The following YME1L1 variants were observed in gnomAD, a reference collection of about 807,000 sequenced individuals.
YME1L1 encodes the protein YME1 like 1 ATPase, also known as ATP-dependent zinc metalloprotease YME1L1.
Under a neutral mutation model 90.4 loss-of-function variants are expected in YME1L1, and 39 were observed. That is an observed-to-expected ratio of 0.43 (90% confidence interval 0.33 to 0.56). The LOEUF is 0.56. YME1L1 is among the 20% of genes least tolerant of loss of function. The pLI is 0.03. For synonymous variants in YME1L1, 284 were observed against 287.3 expected, an observed-to-expected ratio of 0.99 and a Z score of 0.12; for missense variants, 617 against 868.4, an observed-to-expected ratio of 0.71 and a Z score of 3.64.
Position 27,118,397 on chromosome 10 carries a change from T to G in YME1L1, c.1568-670A>C, listed in dbSNP as rs1411167202. Among the ~76,000 whole-genome samples, 5 of 152,144 alleles carry G rather than the reference T, an allele frequency of 3.3e-5. No homozygotes were observed. In the East Asian group the frequency reaches 9.6e-4, roughly 29 times the overall value. ...CTTGGACTTAAGTAATCCTCCCACCTAGGACTCCCAAGTAGATGGGACCAC... is the reference window on the plus strand; with the variant it reads ...CTTGGACTTAAGTAATCCTCCCACCGAGGACTCCCAAGTAGATGGGACCAC... On this transcript the variant is annotated intron_variant, in intron 14 of 18. Transcript: ENST00000376016.
At chr10:27,115,904 T>C (rs1485652817) in intron 17 of YME1L1, among the ~76,000 whole-genome samples, 156 bp downstream of exon 17, 1 of 152,322 alleles carries the variant, frequency 6.6e-6, no homozygotes, top group African/African-American at 2.4e-5. Flanking sequence ...GTCCATTTTC[T>C]TTATTCAGAG....
chr10:27,133,910 GA>G, intron 7 of YME1L1, 128 bp downstream of exon 7: 1 of 554,500 alleles, frequency 1.8e-6, no homozygotes, highest in Non-Finnish European at 3.0e-6. Flanking sequence ...CCACTACTAG[GA>G]ATGAAAGCCT....
chr10:27,119,813 A>G (rs1257468260), intron 13 of YME1L1, among the ~76,000 whole-genome samples: 1 of 138,768 alleles, frequency 7.2e-6, no homozygotes, highest in Non-Finnish European at 1.5e-5. Flanking sequence ...CTTGTCTCAA[A>G]AAAAAACCAA....
At position 27,128,742 on chromosome 10, in the gene YME1L1, A is replaced by G. The variant is rs2056945714; in HGVS notation, c.859-1956T>C. On this transcript the variant is annotated intron_variant, in intron 8 of 18. Coordinates refer to ENST00000376016, the MANE Select transcript of YME1L1 (RefSeq NM_014263.4). Reference sequence around the variant, plus strand: ...CAACGCAGCTAAATCCCGACTCTACAAAAAAAAACTACAAAAATTAGCCAG... The same window carrying G: ...CAACGCAGCTAAATCCCGACTCTACGAAAAAAAACTACAAAAATTAGCCAG... 2.0e-5 allele frequency among the ~76,000 whole-genome samples: 3 copies of G among 148,134 alleles called. No individual in the cohort carries two copies. The South Asian group carries it at 6.6e-4, about 33-fold the overall frequency.
At chr10:27,132,191 C>G (rs2056983958) in intron 7 of YME1L1, among the ~76,000 whole-genome samples, 1 of 152,122 alleles carries the variant, frequency 6.6e-6, no homozygotes, top group Non-Finnish European at 1.5e-5. Context: ...ACCTCAACCT[C>G]CCAGGTTCAA....
Position 27,142,389 on chromosome 10 carries a change from G to T in YME1L1, c.428C>A (p.Pro143Gln). 6.8e-7 allele frequency: 1 copy of T among 1,461,480 alleles called. No individual in the cohort carries two copies. Among genetic ancestry groups the T allele is most frequent in the South Asian group, 1.5e-5 (1 of 67,040 alleles). The allele number at this position is 1,461,480 out of a possible 1,614,324, so 90.5% of individuals were successfully genotyped here. ...QSICSDLQYW[P>Q]VFIQSRGFKT... ...AATTTATGGTTGTTGCTTCATACCT[G>T]GCCAGTACTGAAGATCTGAACAAAT... Residue 143 changes from proline to glutamine, a missense_variant and splice_region_variant, in exon 4 of 19, where the codon CCA becomes CAA. By Grantham distance (76) the Pro-to-Gln change is moderately conservative (BLOSUM62 -1). Coordinates refer to ENST00000376016, the MANE Select transcript of YME1L1 (RefSeq NM_014263.4).
chr10:27,151,436 G>A (rs577617471), intron 1 of YME1L1, among the ~76,000 whole-genome samples: 1 of 152,316 alleles, frequency 6.6e-6, no homozygotes, highest in East Asian at 1.9e-4. Context: ...ATGGACTAAC[G>A]CCATTATTGT....
At chr10:27,129,515 C>T (rs868220325) in intron 8 of YME1L1, among the ~76,000 whole-genome samples, 82 of 152,322 alleles carry the variant, frequency 5.4e-4, no homozygotes, top group African/African-American at 1.9e-3. Context: ...TAACCAATCT[C>T]TTCAGAGTTG....
intron 9 of YME1L1, among the ~76,000 whole-genome samples, chr10:27,125,458 GAAAAA>G (rs68143135): frequency 9.3e-6 from 1 of 107,712 alleles, no homozygotes; most frequent in Non-Finnish European, 1.8e-5. Context: ...TGTTTCATTT[GAAAAA>G]AAAAAAAAAA....
At chr10:27,120,934 C>G (rs753035130) in intron 12 of YME1L1, among the ~76,000 whole-genome samples, 1 of 152,146 alleles carries the variant, frequency 6.6e-6, no homozygotes, top group Non-Finnish European at 1.5e-5. Context: ...AATGAAAATA[C>G]GAATAACTTC....
chr10:27,147,664 A>G, intron 2 of YME1L1: 1 of 1,550,314 alleles, frequency 6.5e-7, no homozygotes, highest in Non-Finnish European at 8.7e-7. Context: ...GTCACTGAAC[A>G]TACACTGTAG....
intron 14 of YME1L1, among the ~76,000 whole-genome samples, chr10:27,118,556 C>G (rs2056836228): frequency 6.6e-6 from 1 of 152,216 alleles, no homozygotes. Flanking sequence ...TCCCAAAGTG[C>G]TGGGATTACA....
At chr10:27,132,379 G>A (rs1301180855) in intron 7 of YME1L1, among the ~76,000 whole-genome samples, 3 of 152,034 alleles carry the variant, frequency 2.0e-5, no homozygotes, top group Non-Finnish European at 4.4e-5. Context: ...GATTACAGGC[G>A]TGAGCCACTA....
At chr10:27,135,596 C>T (rs745549389) in intron 5 of YME1L1, among the ~76,000 whole-genome samples, 36 of 152,146 alleles carry the variant, frequency 2.4e-4, no homozygotes, top group Non-Finnish European at 4.7e-4. Flanking sequence ...CAATAGCCTT[C>T]AGTGCTCAAG....
chr10:27,121,668 G>A (rs207470767), intron 11 of YME1L1, among the ~76,000 whole-genome samples: 2 of 151,972 alleles, frequency 1.3e-5, no homozygotes, highest in Admixed American at 6.6e-5. Flanking sequence ...GGAATGACAG[G>A]TGCATGCCAA....
chr10:27,147,655 T>C, intron 2 of YME1L1: 1 of 1,551,198 alleles, frequency 6.4e-7, no homozygotes, highest in South Asian at 1.2e-5. Context: ...CGTCAGGAAG[T>C]CACTGAACAT....
At chr10:27,125,644 T>A (rs576509822) in intron 9 of YME1L1, among the ~76,000 whole-genome samples, 1 of 150,214 alleles carries the variant, frequency 6.7e-6, no homozygotes, top group Admixed American at 6.6e-5. Flanking sequence ...ATGTCCTATT[T>A]TTTTTTTTTT....
chr10:27,126,523 CAA>C (rs375105533), intron 9 of YME1L1, among the ~76,000 whole-genome samples, 171 bp downstream of exon 9: 1 of 139,154 alleles, frequency 7.2e-6, no homozygotes, highest in Non-Finnish European at 1.6e-5. Flanking sequence ...TTGCAGTTAC[CAA>C]AAAAAAAAGG....
In YME1L1 at chr10:27,114,620, G is replaced by T. The variant is rs2135837708; in HGVS notation, c.1921-13C>A. 6.2e-7 allele frequency: 1 copy of T among 1,602,912 alleles called. No homozygotes were observed. The highest frequency in any genetic ancestry group is 8.5e-7 in the Non-Finnish European group (1 of 1,174,746). On this transcript the variant is annotated splice_polypyrimidine_tract_variant and intron_variant, in intron 17 of 18. Transcript: ENST00000376016. Reference sequence around the variant, plus strand: ...TCATAACTCCAAGCTAAAACCAAAAGGAAGAAAGTAATTGAACAGAAAACC... The same window carrying T: ...TCATAACTCCAAGCTAAAACCAAAATGAAGAAAGTAATTGAACAGAAAACC...
Sources: gnomAD v4.1 joint callset for allele counts (sites outside exome capture counted in the v4.1 genomes callset) on GRCh38, gnomAD v4.1.1 for gene constraint, MANE v1.5 for transcripts, NCBI Gene and HGNC (gene_info 2026-07-23, HGNC 2026-07-21) for gene names.